The following SPATA13 variants were observed in gnomAD, a reference collection of about 807,000 sequenced individuals.
The protein encoded by SPATA13 is spermatogenesis-associated protein 13.
In SPATA13, 50 loss-of-function variants were observed where a neutral mutation model predicts 104.0. The observed-to-expected ratio is 0.48, with a 90% confidence interval of 0.38 to 0.61. The LOEUF (loss-of-function observed/expected upper bound fraction) is 0.61. Among genes scored for constraint, SPATA13 ranks in the 20% least tolerant of loss-of-function variants. SPATA13 has a pLI of 0.00. For synonymous variants in SPATA13, 606 were observed against 667.5 expected (o/e 0.91, Z 1.42); for missense variants, 1,524 against 1,690.6 (o/e 0.90, Z 1.73).
At chr13:24,005,083 T>C (rs538956986) in intron 2 of SPATA13, among the ~76,000 whole-genome samples, 8 of 152,340 alleles carry the variant, frequency 5.3e-5, no homozygotes, top group Non-Finnish European at 1.0e-4. Flanking sequence ...GCTAAGAGTT[T>C]CTCAAAGTAA....
intron 3 of SPATA13, among the ~76,000 whole-genome samples, chr13:24,148,606 A>G (rs1566121728): frequency 6.6e-6 from 1 of 152,206 alleles, no homozygotes; most frequent in Non-Finnish European, 1.5e-5. Context: ...GGAGTTTAAT[A>G]TGGTTGACCA....
chr13:24,112,913 G>A (rs1035469954), intron 3 of SPATA13, among the ~76,000 whole-genome samples: 3 of 152,108 alleles, frequency 2.0e-5, no homozygotes, highest in Non-Finnish European at 4.4e-5. Context: ...AGATTTCCTT[G>A]AGCGTTTTCT....
chr13:24,288,382 A>T (rs987861599), intron 7 of SPATA13, among the ~76,000 whole-genome samples: 12 of 152,226 alleles, frequency 7.9e-5, no homozygotes, highest in African/African-American at 2.9e-4. Context: ...ACTGAATGTC[A>T]TGATAACTCT....
intron 3 of SPATA13, among the ~76,000 whole-genome samples, chr13:24,146,444 C>T (rs867907788): frequency 6.6e-6 from 1 of 152,352 alleles, no homozygotes; most frequent in Middle Eastern, 3.4e-3. Context: ...GCAAGAAATT[C>T]GTTGGCTTTC....
At chr13:24,197,755 A>G (rs1870148055) in intron 1 of SPATA13, among the ~76,000 whole-genome samples, 1 of 152,076 alleles carries the variant, frequency 6.6e-6, no homozygotes, top group Non-Finnish European at 1.5e-5. Context: ...CCATGTTCTG[A>G]CTAATTTTAA....
At position 24,187,951 on chromosome 13, in the gene SPATA13, A is replaced by G. The variant is rs1406641002; in HGVS notation, c.-112+27019A>G. On this transcript the variant is annotated intron_variant, in intron 1 of 12. Coordinates refer to ENST00000382108, the MANE Select transcript of SPATA13 (RefSeq NM_001166271.3). ...AATGATTAAGCTTAGTGAGGAAGGC[A>G]TGTTGAAAGCCAAGATAGGCTCAAA... 2.0e-5 allele frequency among the ~76,000 whole-genome samples: 3 copies of G among 152,234 alleles called. No individual in the cohort carries two copies. In the East Asian group the frequency reaches 5.8e-4, roughly 29 times the overall value.
At chr13:24,159,292 C>T (rs1343472863), upstream of SPATA13, among the ~76,000 whole-genome samples, 1 of 152,076 alleles carries the variant, frequency 6.6e-6, no homozygotes, top group Non-Finnish European at 1.5e-5. Flanking sequence ...ATTTTTTCAG[C>T]TTTAAAAATA....
At chr13:24,080,942 A>G (rs1040304677) in intron 3 of SPATA13, among the ~76,000 whole-genome samples, 1 of 152,008 alleles carries the variant, frequency 6.6e-6, no homozygotes, top group East Asian at 1.9e-4. Flanking sequence ...AAACACACGT[A>G]CCTCCTAATA....
intron 4 of SPATA13, among the ~76,000 whole-genome samples, chr13:24,257,351 C>A (rs1252550467): frequency 6.6e-6 from 1 of 152,060 alleles, no homozygotes; most frequent in Non-Finnish European, 1.5e-5. Flanking sequence ...TATGGGTAGA[C>A]CCCTTTCAAA....
chr13:24,023,704 C>A (rs892928083), intron 3 of SPATA13, among the ~76,000 whole-genome samples: 45 of 152,274 alleles, frequency 3.0e-4, no homozygotes, highest in African/African-American at 1.0e-3. Context: ...AGAACCCGAT[C>A]TGACATTGCT....
chr13:24,240,928 A>G (rs1404125760), intron 2 of SPATA13, among the ~76,000 whole-genome samples: 1 of 152,230 alleles, frequency 6.6e-6, no homozygotes, highest in Non-Finnish European at 1.5e-5. Flanking sequence ...CAAATGACCA[A>G]ACTGCTTCCT....
chr13:24,105,939 C>T (rs572020863), intron 3 of SPATA13, among the ~76,000 whole-genome samples: 171 of 152,346 alleles, frequency 1.1e-3, no homozygotes, highest in Non-Finnish European at 2.1e-3. Flanking sequence ...GAAACCAAGC[C>T]TGCTGACACC....
At chr13:24,075,169 AC>A (rs929877100) in intron 3 of SPATA13, among the ~76,000 whole-genome samples, 1 of 152,212 alleles carries the variant, frequency 6.6e-6, no homozygotes, top group African/African-American at 2.4e-5. Flanking sequence ...ACTCTTCATC[AC>A]AGCACTATTT....
rs141818208 is a variant in SPATA13, at chr13:24,294,151, G to C, written c.3081-588G>C. ...GCGGGCTTGGGAGCGGGGCCCTCCT[G>C]GGGAGAACATTTTAGCTTGACGTGA... On this transcript the variant is annotated intron_variant, in intron 9 of 12. Transcript: ENST00000382108. Among the ~76,000 whole-genome samples the C allele has an allele frequency of 2.8e-3, 427 of 152,282 alleles. 3 individuals carry two copies. The highest frequency in any genetic ancestry group is 9.6e-3 in the African/African-American group (397 of 41,568).
At chr13:24,015,754 C>T (rs546953494) in intron 2 of SPATA13, among the ~76,000 whole-genome samples, 37 of 151,366 alleles carry the variant, frequency 2.4e-4, no homozygotes, top group African/African-American at 8.7e-4. Context: ...CCCCCAATTC[C>T]TAGGTCCACC....
At chr13:24,182,297 G>C (rs150708532) in intron 1 of SPATA13, among the ~76,000 whole-genome samples, 1 of 152,030 alleles carries the variant, frequency 6.6e-6, no homozygotes, top group African/African-American at 2.4e-5. Context: ...TGTCTTTTTT[G>C]TTTTGCTATA....
chr13:24,121,589 A>G (rs1452552854), intron 3 of SPATA13, among the ~76,000 whole-genome samples: 2 of 152,240 alleles, frequency 1.3e-5, no homozygotes, highest in Non-Finnish European at 2.9e-5. Context: ...TTATTGACAT[A>G]TAAAGAATAG....
At position 24,180,408 on chromosome 13, in the gene SPATA13, G is replaced by A. The variant is rs1328865891; in HGVS notation, c.-112+19476G>A. ...CTTGATTCCTGTGGCTTTATAGTAAGCTTTGAAATTAGGAAGTCTAAAATC... is the reference window on the plus strand; with the variant it reads ...CTTGATTCCTGTGGCTTTATAGTAAACTTTGAAATTAGGAAGTCTAAAATC... On this transcript the variant is annotated intron_variant, in intron 1 of 12. Coordinates refer to ENST00000382108, the MANE Select transcript of SPATA13 (RefSeq NM_001166271.3). Among the ~76,000 whole-genome samples the A allele has an allele frequency of 2.0e-5, 3 of 152,278 alleles. No individual in the cohort carries two copies. The East Asian group carries it at 5.8e-4, about 29-fold the overall frequency.
chr13:24,251,953 C>T lies in SPATA13; in HGVS notation c.2164+91C>T, dbSNP rs539027920. On this transcript the variant is annotated intron_variant, in intron 4 of 12. Transcript: ENST00000382108. Reference sequence around the variant, plus strand: ...TGAGGCAGCAGGTTCTGCACCTTCGCGCCTCCCTTGGGCCAGGGCGCGTTT... The same window carrying T: ...TGAGGCAGCAGGTTCTGCACCTTCGTGCCTCCCTTGGGCCAGGGCGCGTTT... 1.5e-4 allele frequency: 224 copies of T among 1,487,072 alleles called. No homozygotes were observed. In the African/African-American group the frequency reaches 2.4e-3, roughly 16 times the overall value. The allele number at this position is 1,487,072 out of a possible 1,614,324, so 92.1% of individuals were successfully genotyped here. A position where few individuals can be genotyped will look rare whatever the true frequency, so the allele number is the denominator to read the frequency against.
Sources: allele counts gnomAD v4.1 joint callset (sites outside exome capture counted in the v4.1 genomes callset), GRCh38; gene constraint gnomAD v4.1.1; transcripts MANE v1.5; gene names NCBI Gene and HGNC (gene_info 2026-07-23, HGNC 2026-07-21).